TRMT11: variants seen among roughly 807,000 people sequenced by gnomAD.
The protein encoded by TRMT11 is tRNA (guanine(10)-N(2))-methyltransferase TRMT11.
Under a neutral mutation model 62.8 loss-of-function variants are expected in TRMT11, and 53 were observed. The ratio of observed to expected loss-of-function variants is 0.84; its 90% confidence interval spans 0.68 to 1.06. The LOEUF is 1.06. TRMT11 is among the 50% of genes least tolerant of loss of function. TRMT11 has a pLI of 0.00. For missense variants in TRMT11, 556 were observed against 553.4 expected, an observed-to-expected ratio of 1.00 and a Z score of -0.05; for synonymous variants, 188 against 190.3, an observed-to-expected ratio of 0.99 and a Z score of 0.10.
At chr6:126,132,059 T>A (rs7756132) in intron 21 of TRMT11, among the ~76,000 whole-genome samples, 35,742 of 151,994 alleles carry the variant, frequency 0.24, 4,525 homozygotes, top group African/African-American at 0.33. Context: ...GAGAGTGGAA[T>A]TCCACAGGTT....
chr6:126,027,753 A>G (rs1280173766), intron 12 of TRMT11, among the ~76,000 whole-genome samples: 1 of 152,196 alleles, frequency 6.6e-6, no homozygotes, highest in Non-Finnish European at 1.5e-5. Context: ...TGAATGAAAG[A>G]GTCCAGTAAC....
At chr6:126,220,963 C>G in the TRMT11 span, among the ~76,000 whole-genome samples, 2 of 152,238 alleles carry the variant, frequency 1.3e-5, no homozygotes, top group South Asian at 2.1e-4. Context: ...TTCTTTGTGT[C>G]CATGTGTACT....
At chr6:126,113,400 A>G (rs1028283519) in intron 18 of TRMT11, among the ~76,000 whole-genome samples, 1 of 152,064 alleles carries the variant, frequency 6.6e-6, no homozygotes, top group Non-Finnish European at 1.5e-5. Flanking sequence ...AGAATTCTTG[A>G]GTTGCCTGCC....
Position 126,000,309 on chromosome 6 carries a change from A to G in TRMT11, c.679+696A>G, listed in dbSNP as rs143872219. ...TACTTGTATTTAAATTTGTTTGACC[A>G]AGCTCATTGTGGCTCATTTTGTGGT... On this transcript the variant is annotated intron_variant, in intron 7 of 12. Coordinates refer to ENST00000334379, the MANE Select transcript of TRMT11 (RefSeq NM_001031712.3). 9.1e-4 allele frequency among the ~76,000 whole-genome samples: 138 copies of G among 152,236 alleles called. 1 individual carries two copies. The highest frequency in any genetic ancestry group is 2.9e-3 in the African/African-American group (121 of 41,552).
intron 17 of TRMT11, among the ~76,000 whole-genome samples, chr6:126,054,813 C>G (rs1776321849): frequency 6.6e-6 from 1 of 152,234 alleles, no homozygotes; most frequent in East Asian, 1.9e-4. Context: ...TATTTCAGAA[C>G]TTCACCTTGG....
chr6:126,031,863 A>G (rs576398406), intron 12 of TRMT11, among the ~76,000 whole-genome samples: 3 of 152,152 alleles, frequency 2.0e-5, no homozygotes, highest in Non-Finnish European at 4.4e-5. Flanking sequence ...GAGCTGTGGA[A>G]AGTTAGCTGT....
the TRMT11 span, among the ~76,000 whole-genome samples, chr6:126,246,354 A>C: frequency 6.6e-6 from 1 of 152,242 alleles, no homozygotes; most frequent in African/African-American, 2.4e-5. Flanking sequence ...AACTCATTCT[A>C]GATCCCTTCA....
At chr6:126,182,428 G>A (rs761546396) in intron 1 of TRMT11, among the ~76,000 whole-genome samples, 43 of 151,970 alleles carry the variant, frequency 2.8e-4, no homozygotes, top group Non-Finnish European at 5.7e-4. Flanking sequence ...TTACCACTCA[G>A]GAAGACCTGG....
intron 11 of TRMT11, among the ~76,000 whole-genome samples, chr6:126,015,397 T>G (rs1794852362): frequency 6.6e-6 from 1 of 151,872 alleles, no homozygotes; most frequent in Admixed American, 6.6e-5. Flanking sequence ...CAGCTAATTT[T>G]TTGTATTTTT....
chr6:126,126,269 G>A (rs905095509), intron 21 of TRMT11, among the ~76,000 whole-genome samples: 1 of 152,040 alleles, frequency 6.6e-6, no homozygotes, highest in Non-Finnish European at 1.5e-5. Flanking sequence ...TAGATCAGAA[G>A]TTCTTAAATA....
chr6:126,025,820 G>T (rs1176645713), intron 12 of TRMT11, among the ~76,000 whole-genome samples: 2 of 152,096 alleles, frequency 1.3e-5, no homozygotes, highest in Admixed American at 1.3e-4. Flanking sequence ...TTTGTCACTT[G>T]TTAGGTTTAA....
At chr6:126,038,235 C>CGTGTA (rs1248289075) in intron 12 of TRMT11, among the ~76,000 whole-genome samples, 6 of 151,858 alleles carry the variant, frequency 4.0e-5, no homozygotes, top group African/African-American at 1.4e-4. Flanking sequence ...TATAGAAATA[C>CGTGTA]CCCCAGACAA....
At chr6:126,111,097 T>C (rs1777526290) in intron 17 of TRMT11, among the ~76,000 whole-genome samples, 1 of 152,136 alleles carries the variant, frequency 6.6e-6, no homozygotes, top group South Asian at 2.1e-4. Flanking sequence ...TGGGAGGGAC[T>C]GCTTGTGCTG....
intron 21 of TRMT11, among the ~76,000 whole-genome samples, chr6:126,163,164 T>G (rs1236061768): frequency 1.3e-5 from 2 of 152,232 alleles, no homozygotes; most frequent in Non-Finnish European, 2.9e-5. Context: ...CTTCCAGTTT[T>G]TGCCCATTCA....
At chr6:126,144,910 T>A (rs921012291) in intron 21 of TRMT11, among the ~76,000 whole-genome samples, 5 of 152,198 alleles carry the variant, frequency 3.3e-5, no homozygotes, top group Admixed American at 3.3e-4. Flanking sequence ...TTAAGTTCTT[T>A]AATATATGAC....
chr6:126,136,910 T>C (rs1777856930), intron 21 of TRMT11, among the ~76,000 whole-genome samples: 1 of 150,692 alleles, frequency 6.6e-6, no homozygotes, highest in Admixed American at 6.6e-5. Flanking sequence ...TAATAAATGA[T>C]GCTGGGAAAA....
At chr6:126,155,621 C>T (rs1229104422) in intron 21 of TRMT11, among the ~76,000 whole-genome samples, 1 of 152,208 alleles carries the variant, frequency 6.6e-6, no homozygotes, top group Non-Finnish European at 1.5e-5. Flanking sequence ...AATGGTAATA[C>T]AGTCATGGAG....
At chr6:126,040,627 T>G (rs754528115), downstream of TRMT11, among the ~76,000 whole-genome samples, 22 of 152,148 alleles carry the variant, frequency 1.4e-4, no homozygotes, top group Non-Finnish European at 2.8e-4. Flanking sequence ...ACAGCAACAA[T>G]ATCACCTAGC....
At chr6:126,123,343 A>G (rs915544839) in intron 21 of TRMT11, among the ~76,000 whole-genome samples, 3 of 152,046 alleles carry the variant, frequency 2.0e-5, no homozygotes, top group Non-Finnish European at 4.4e-5. Context: ...TGTGCCTTAT[A>G]GTGGTTTGGA....
Sources: gnomAD v4.1 joint callset for allele counts (sites outside exome capture counted in the v4.1 genomes callset) on GRCh38, gnomAD v4.1.1 for gene constraint, MANE v1.5 for transcripts, NCBI Gene and HGNC (gene_info 2026-07-23, HGNC 2026-07-21) for gene names.